PPP4R4: variants seen among roughly 807,000 people sequenced by gnomAD.
The protein encoded by PPP4R4 is protein phosphatase 4 regulatory subunit 4, also known as serine/threonine-protein phosphatase 4 regulatory subunit 4.
A neutral mutation model predicts 121.8 loss-of-function variants in PPP4R4; 70 were observed. That is an observed-to-expected ratio of 0.57 (90% CI 0.47 to 0.70). PPP4R4 has a LOEUF of 0.70. PPP4R4 is among the 30% of genes least tolerant of loss of function. PPP4R4 has a pLI of 0.00. For synonymous variants in PPP4R4, 348 were observed against 355.7 expected (o/e 0.98, Z 0.24); for missense variants, 875 against 1,033.6 (o/e 0.85, Z 2.10).
chr14:94,175,334 T>G, intron 1 of PPP4R4: 1 of 152,350 alleles, frequency 6.6e-6, no homozygotes, highest in Non-Finnish European at 1.5e-5. Flanking sequence ...TCCCATCCCC[T>G]CCAGGACTGT....
At chr14:94,207,280 A>G (rs1263046361) in intron 2 of PPP4R4, among the ~76,000 whole-genome samples, 1 of 151,758 alleles carries the variant, frequency 6.6e-6, no homozygotes, top group African/African-American at 2.4e-5. Context: ...TGGGTTCTCT[A>G]TTTCACACCC....
chr14:94,227,736 A>T, intron 3 of PPP4R4: 1 of 1,005,076 alleles, frequency 9.9e-7, no homozygotes, highest in Non-Finnish European at 1.2e-6. Context: ...CATCTCTTGG[A>T]AGTTAACAGA....
In PPP4R4 at chr14:94,278,697, G is replaced by T; in HGVS notation, c.*54G>T. On this transcript the variant is annotated 3_prime_UTR_variant, in exon 25 of 25. Coordinates refer to ENST00000304338, the MANE Select transcript of PPP4R4 (RefSeq NM_058237.2). ...AAAGGCAGCAGGAGATAATGTGATT[G>T]GTACACAAAAGCTAAAGCAGTGGCT... 1 of 1,493,974 alleles carries T rather than the reference G, an allele frequency of 6.7e-7. No individual in the cohort carries two copies. The highest frequency in any genetic ancestry group is 1.4e-5 in the South Asian group (1 of 71,186). The allele number at this position is 1,493,974 out of a possible 1,614,324, so 92.5% of individuals were successfully genotyped here. A position where few individuals can be genotyped will look rare whatever the true frequency, so the allele number is the denominator to read the frequency against.
intron 19 of PPP4R4, among the ~76,000 whole-genome samples, chr14:94,261,553 G>A (rs1161608182): frequency 6.6e-6 from 1 of 151,706 alleles, no homozygotes; most frequent in Non-Finnish European, 1.5e-5. Context: ...CAATATTTAT[G>A]CCTTTTGTTT....
At chr14:94,265,746 C>T in intron 21 of PPP4R4, 48 bp from the exon 22 acceptor site, 3 of 1,360,560 alleles carry the variant, frequency 2.2e-6, no homozygotes, top group Non-Finnish European at 3.1e-6. Context: ...GTTGGAGCAG[C>T]CGAGGATGAA....
intron 2 of PPP4R4, among the ~76,000 whole-genome samples, chr14:94,200,366 A>G (rs1286094857): frequency 1.3e-5 from 2 of 152,276 alleles, no homozygotes; most frequent in Admixed American, 6.5e-5. Flanking sequence ...CAGAGCTCCA[A>G]CACAGTGTTG....
At chr14:94,261,568 C>A (rs1472459762) in intron 19 of PPP4R4, among the ~76,000 whole-genome samples, 2 of 151,792 alleles carry the variant, frequency 1.3e-5, no homozygotes, top group African/African-American at 2.4e-5. Context: ...TTGTTTCTTT[C>A]TTTTGTCTTA....
rs1374875982 is a variant in PPP4R4 at position 94,231,253 on chromosome 14, G to A, written c.454G>A (p.Ala152Thr). The A allele has an allele frequency of 6.2e-7, 1 of 1,611,662 alleles. No homozygotes were observed. The highest frequency in any genetic ancestry group is 1.7e-5 in the Admixed American group (1 of 59,972). The change falls in exon 5 of 25, where the codon GCA (alanine) becomes ACA (threonine). Residue 152 changes from alanine to threonine, a missense_variant. Ala to Thr is a moderately conservative substitution (Grantham distance 58). Transcript: ENST00000304338. ...LEHRDTGVSN[A>T]WLETLLSVIE... is the part of the protein sequence containing the mutation. ...TCTCTGTCAACCAGGTGTCAGCAAT[G>A]CATGGCTGGAAACTCTTCTGTCTGT...
intron 2 of PPP4R4, among the ~76,000 whole-genome samples, chr14:94,182,776 A>C (rs1030284097): frequency 5.9e-5 from 9 of 152,174 alleles, no homozygotes; most frequent in African/African-American, 1.9e-4. Context: ...CATTTCTTTT[A>C]GGTATCATTA....
At chr14:94,194,384 T>A (rs1889753416) in intron 2 of PPP4R4, among the ~76,000 whole-genome samples, 1 of 152,182 alleles carries the variant, frequency 6.6e-6, no homozygotes, top group South Asian at 2.1e-4. Context: ...AAGGAGCAGC[T>A]CAAGTTGTAA....
intron 22 of PPP4R4, among the ~76,000 whole-genome samples, chr14:94,266,327 T>C (rs1472626450): frequency 1.3e-5 from 2 of 152,078 alleles, no homozygotes; most frequent in Admixed American, 6.5e-5. Flanking sequence ...AGCGTGACAA[T>C]AGATGAATGT....
chr14:94,234,526 C>A, intron 6 of PPP4R4, 36 bp from the exon 7 acceptor site: 1 of 1,229,396 alleles, frequency 8.1e-7, no homozygotes, highest in Non-Finnish European at 1.2e-6. Flanking sequence ...CTGAAACACT[C>A]ATTCATTTGC....
chr14:94,205,111 A>G (rs1890391585), intron 2 of PPP4R4, among the ~76,000 whole-genome samples: 1 of 152,130 alleles, frequency 6.6e-6, no homozygotes, highest in Admixed American at 6.6e-5. Context: ...CTTTTCTGGA[A>G]GAGATTGTGT....
chr14:94,275,749 A>G (rs1894604809), intron 24 of PPP4R4, among the ~76,000 whole-genome samples: 1 of 152,246 alleles, frequency 6.6e-6, no homozygotes, highest in African/African-American at 2.4e-5. Context: ...GGAAACATTT[A>G]AATGGCTCCC....
intron 24 of PPP4R4, 92 bp downstream of exon 24, chr14:94,275,613 G>C (rs1894596491): frequency 1.4e-6 from 2 of 1,381,548 alleles, no homozygotes; most frequent in African/African-American, 2.9e-5. Context: ...CCAAAGAATA[G>C]AAAATGTCTG....
chr14:94,211,393 G>A (rs139896193), intron 3 of PPP4R4, among the ~76,000 whole-genome samples: 13 of 152,278 alleles, frequency 8.5e-5, no homozygotes, highest in African/African-American at 3.1e-4. Flanking sequence ...TTTCTGAGGA[G>A]CAGAAAACTG....
At chr14:94,184,517 G>T (rs896161419) in intron 2 of PPP4R4, among the ~76,000 whole-genome samples, 2 of 152,034 alleles carry the variant, frequency 1.3e-5, no homozygotes, top group African/African-American at 2.4e-5. Context: ...CCTCAACCCC[G>T]CAAGGTGCTG....
chr14:94,207,339 T>A (rs897001470), intron 2 of PPP4R4, among the ~76,000 whole-genome samples: 4 of 151,932 alleles, frequency 2.6e-5, no homozygotes, highest in Non-Finnish European at 4.4e-5. Flanking sequence ...TCCTAGAGAG[T>A]GATGAGAACA....
At chr14:94,260,329 G>A (rs1180760568) in intron 19 of PPP4R4, among the ~76,000 whole-genome samples, 1 of 152,084 alleles carries the variant, frequency 6.6e-6, no homozygotes, top group African/African-American at 2.4e-5. Context: ...AGGAGGCCGA[G>A]GCAAGAGAAT....
Sources: allele counts gnomAD v4.1 joint callset (sites outside exome capture counted in the v4.1 genomes callset), GRCh38; gene constraint gnomAD v4.1.1; transcripts MANE v1.5; gene names NCBI Gene and HGNC (gene_info 2026-07-23, HGNC 2026-07-21).